CDYL: variants seen among roughly 807,000 people sequenced by gnomAD.
The protein encoded by CDYL is chromodomain Y-like protein.
Under a neutral mutation model 47.3 loss-of-function variants are expected in CDYL, and 8 were observed. The ratio of observed to expected loss-of-function variants is 0.17; its 90% CI spans 0.10 to 0.31. CDYL has a LOEUF of 0.31. CDYL is among the 10% of genes least tolerant of loss of function. The probability of loss-of-function intolerance (pLI) is 1.00; values close to 1 mark genes in which losing one functional copy is unlikely to be tolerated. For synonymous variants in CDYL, 266 were observed against 265.0 expected, an observed-to-expected ratio of 1.00 and a Z score of -0.04; for missense variants, 471 against 701.4, an observed-to-expected ratio of 0.67 and a Z score of 3.71.
intron 5 of CDYL, among the ~76,000 whole-genome samples, chr6:4,946,009 AGC>A (rs1491031291): frequency 6.6e-6 from 1 of 152,192 alleles, no homozygotes; most frequent in Non-Finnish European, 1.5e-5. Flanking sequence ...CGTGCTGCCC[AGC>A]GCCCACAGGC....
intron 2 of CDYL, among the ~76,000 whole-genome samples, chr6:4,920,211 A>G (rs1055008449): frequency 6.6e-6 from 1 of 152,166 alleles, no homozygotes; most frequent in Non-Finnish European, 1.5e-5. Flanking sequence ...ATTTAGTTGG[A>G]GTCTGGGGAG....
intron 3 of CDYL, among the ~76,000 whole-genome samples, chr6:4,760,739 C>G (rs1758162413): frequency 6.6e-6 from 1 of 152,094 alleles, no homozygotes; most frequent in African/African-American, 2.4e-5. Flanking sequence ...TTGGTTAAAA[C>G]AATTGCAGTA....
rs1758462724 is a variant in CDYL at position 4,776,734 on chromosome 6, C to T, written c.-50C>T. Reference sequence around the variant, plus strand: ...AAACAAAGTGTCGGCCGCCCGGCGCCGGCGCCCGCCCCGACCCTGCCCCTC... The same window carrying T: ...AAACAAAGTGTCGGCCGCCCGGCGCTGGCGCCCGCCCCGACCCTGCCCCTC... On this transcript the variant is annotated 5_prime_UTR_variant, in exon 1 of 7. Coordinates refer to ENST00000397588, the MANE Select transcript of CDYL (RefSeq NM_004824.4). 7.9e-7 allele frequency: 1 copy of T among 1,273,130 alleles called. No individual in the cohort carries two copies. Among genetic ancestry groups the T allele is most frequent in the South Asian group, 1.4e-5 (1 of 72,690 alleles). The allele number at this position is 1,273,130 out of a possible 1,614,324, so 78.9% of individuals were successfully genotyped here.
intron 4 of CDYL, among the ~76,000 whole-genome samples, chr6:4,939,961 G>C (rs58567771): frequency 0.1 from 15,578 of 152,072 alleles, 988 homozygotes; most frequent in South Asian, 0.16. Flanking sequence ...CTTTTCCCTG[G>C]CTCCACTTGT....
chr6:4,798,903 A>G (rs545258813), intron 1 of CDYL, among the ~76,000 whole-genome samples: 1 of 152,356 alleles, frequency 6.6e-6, no homozygotes, highest in South Asian at 2.1e-4. Context: ...TGTATCTTTA[A>G]AGGAATTTAC....
intron 1 of CDYL, among the ~76,000 whole-genome samples, chr6:4,823,886 C>G (rs955693698): frequency 1.3e-5 from 2 of 152,222 alleles, no homozygotes; most frequent in Non-Finnish European, 2.9e-5. Context: ...TGTAAAAACT[C>G]CCCATTCGCT....
At chr6:4,899,347 T>C (rs1449665645) in intron 2 of CDYL, among the ~76,000 whole-genome samples, 1 of 152,224 alleles carries the variant, frequency 6.6e-6, no homozygotes, top group African/African-American at 2.4e-5. Flanking sequence ...GTTTTAAATT[T>C]TATGTTCCCA....
At chr6:4,725,012 G>T (rs944493450) in intron 2 of CDYL, 1 of 152,110 alleles carries the variant, frequency 6.6e-6, no homozygotes, top group Non-Finnish European at 1.5e-5. Context: ...TTTTGACAGG[G>T]TACTGATTGG....
intron 2 of CDYL, among the ~76,000 whole-genome samples, chr6:4,718,946 A>C (rs1400404290): frequency 6.6e-6 from 1 of 150,806 alleles, no homozygotes; most frequent in African/African-American, 2.4e-5. Context: ...CTTTTCAGAC[A>C]GAGTTTTGCT....
chr6:4,934,875 G>A (rs1360903899), intron 2 of CDYL, among the ~76,000 whole-genome samples: 5 of 152,168 alleles, frequency 3.3e-5, no homozygotes, highest in African/African-American at 1.2e-4. Context: ...ATGTGGTGGG[G>A]GAGAGGAGAG....
chr6:4,843,972 T>C (rs1309244866), intron 1 of CDYL, among the ~76,000 whole-genome samples: 2 of 152,226 alleles, frequency 1.3e-5, no homozygotes, highest in Non-Finnish European at 2.9e-5. Context: ...AGAGGGAAGA[T>C]CTGGGGCCCA....
At chr6:4,781,230 A>C (rs1249801852) in intron 1 of CDYL, among the ~76,000 whole-genome samples, 1 of 152,166 alleles carries the variant, frequency 6.6e-6, no homozygotes, top group Admixed American at 6.5e-5. Flanking sequence ...CTTTCTTCCT[A>C]CTTTGCGATA....
chr6:4,878,509 G>A (rs903921062), intron 1 of CDYL, among the ~76,000 whole-genome samples: 1 of 151,764 alleles, frequency 6.6e-6, no homozygotes, highest in East Asian at 1.9e-4. Flanking sequence ...TTTCATCTTG[G>A]TGTCAGTTTT....
chr6:4,765,329 A>C lies in CDYL; in HGVS notation c.186+30485A>C, dbSNP rs1758236108. Among the ~76,000 whole-genome samples, 2 of 152,190 alleles carry C rather than the reference A, an allele frequency of 1.3e-5. 1 individual carries two copies. ...CAGAGGGAGACTTCGTCTCAAAAAA[A>C]AAAAGACAAATAAAAATAACTAGAA... On this transcript the variant is annotated intron_variant, in intron 3 of 8. Transcript: ENST00000328908.
chr6:4,713,424 G>C (rs909132724), intron 1 of CDYL, among the ~76,000 whole-genome samples: 54 of 152,260 alleles, frequency 3.5e-4, no homozygotes, highest in African/African-American at 1.3e-3. Context: ...TCTGCTCTTT[G>C]TCAGGGCTCC....
Position 4,935,705 on chromosome 6 carries a change from G to A in CDYL, c.882G>A (p.Lys294=), listed in dbSNP as rs766457787. ...GATACAGAGATATTGTGGTCAGGAA[G>A]CAGGATGGCTTCACCCACATCTTGT... ...AYRYRDIVVR[K]QDGFTHILLS... Residue 294 remains lysine (K), a synonymous_variant, in exon 3 of 7, where the codon AAG becomes AAA. Coordinates refer to ENST00000397588, the MANE Select transcript of CDYL (RefSeq NM_004824.4). 1.2e-6 allele frequency: 2 copies of A among 1,614,234 alleles called. No homozygotes were observed. Among genetic ancestry groups the A allele is most frequent in the African/African-American group, 1.3e-5 (1 of 75,070 alleles).
chr6:4,897,790 G>GTTTTTTTCT (rs1554105984), intron 2 of CDYL, among the ~76,000 whole-genome samples: 1 of 140,220 alleles, frequency 7.1e-6, no homozygotes, highest in African/African-American at 2.7e-5. Context: ...GAAGGTTTTT[G>GTTTTTTTCT]TTTTTTTTTT....
chr6:4,733,549 C>T (rs986896903), intron 2 of CDYL, among the ~76,000 whole-genome samples: 1 of 152,272 alleles, frequency 6.6e-6, no homozygotes, highest in South Asian at 2.1e-4. Context: ...TTTTCAACCT[C>T]TGGCTCCAAA....
At chr6:4,754,865 T>C (rs2127420974) in intron 3 of CDYL, among the ~76,000 whole-genome samples, 1 of 152,334 alleles carries the variant, frequency 6.6e-6, no homozygotes, top group Non-Finnish European at 1.5e-5. Context: ...TCCAAATTCC[T>C]GAAATCACTC....
Sources: allele counts gnomAD v4.1 joint callset (sites outside exome capture counted in the v4.1 genomes callset), GRCh38; gene constraint gnomAD v4.1.1; transcripts MANE v1.5; gene names NCBI Gene and HGNC (gene_info 2026-07-23, HGNC 2026-07-21).